The following WDR70 variants were observed in gnomAD, a reference collection of about 807,000 sequenced individuals.
WDR70 encodes WD repeat domain 70.
In WDR70, 53 loss-of-function variants were observed where a neutral mutation model predicts 88.6. The observed-to-expected ratio is 0.60, with a 90% CI of 0.48 to 0.75. The LOEUF (loss-of-function observed/expected upper bound fraction) is 0.75, where lower values mean the gene tolerates loss of function less well. WDR70 is among the 30% of genes least tolerant of loss of function. The probability of loss-of-function intolerance (pLI) is 0.00; values close to 1 mark genes in which losing one functional copy is unlikely to be tolerated. For missense variants in WDR70, 610 were observed against 823.2 expected, an observed-to-expected ratio of 0.74 and a Z score of 3.17; for synonymous variants, 280 against 270.0, an observed-to-expected ratio of 1.04 and a Z score of -0.36.
chr5:37,590,800 C>T (rs2112445669), intron 9 of WDR70, among the ~76,000 whole-genome samples: 1 of 152,194 alleles, frequency 6.6e-6, no homozygotes, highest in Non-Finnish European at 1.5e-5. Context: ...ACCTTGATTT[C>T]AGACTTCTGG....
chr5:37,586,925 A>G (rs1743381088), intron 9 of WDR70, among the ~76,000 whole-genome samples: 1 of 152,134 alleles, frequency 6.6e-6, no homozygotes, highest in Admixed American at 6.5e-5. Flanking sequence ...TTAACTTGCT[A>G]TTGCCACTTC....
chr5:37,384,660 C>CAAAAA (rs70978807), intron 3 of WDR70, among the ~76,000 whole-genome samples: 1 of 59,444 alleles, frequency 1.7e-5, no homozygotes, highest in African/African-American at 7.5e-5. Context: ...ACTCTTGTCT[C>CAAAAA]AAAAAAAAAA....
intron 10 of WDR70, among the ~76,000 whole-genome samples, chr5:37,635,994 T>C (rs1224352409): frequency 6.6e-6 from 1 of 152,222 alleles, no homozygotes; most frequent in African/African-American, 2.4e-5. Context: ...TTCTTCCTTC[T>C]GCCATGATTG....
intron 9 of WDR70, among the ~76,000 whole-genome samples, chr5:37,523,403 AC>A (rs1741158651): frequency 6.6e-6 from 1 of 152,218 alleles, no homozygotes; most frequent in Non-Finnish European, 1.5e-5. Flanking sequence ...ACTCCAATAG[AC>A]CTGCAGCTGA....
intron 10 of WDR70, among the ~76,000 whole-genome samples, chr5:37,632,460 T>G (rs1000244717): frequency 6.6e-6 from 1 of 152,176 alleles, no homozygotes; most frequent in African/African-American, 2.4e-5. Flanking sequence ...TCTGAACACC[T>G]TTCAGTGGGT....
At chr5:37,633,603 A>G (rs1484136664) in intron 10 of WDR70, among the ~76,000 whole-genome samples, 2 of 152,080 alleles carry the variant, frequency 1.3e-5, no homozygotes, top group African/African-American at 2.4e-5. Flanking sequence ...GAGTTAAAAC[A>G]TATGGAGATT....
chr5:37,570,857 A>G (rs1742880151), intron 9 of WDR70, among the ~76,000 whole-genome samples: 1 of 152,110 alleles, frequency 6.6e-6, no homozygotes. Context: ...GATGTTTCTC[A>G]AATAGTCCCT....
chr5:37,689,977 G>A (rs139974202), intron 10 of WDR70, among the ~76,000 whole-genome samples: 4,801 of 152,242 alleles, frequency 0.032, 100 homozygotes, highest in Middle Eastern at 0.11. Flanking sequence ...AAGGTTAGAC[G>A]AATGGCTAAC....
At chr5:37,679,582 T>TC (rs1746356712) in intron 10 of WDR70, among the ~76,000 whole-genome samples, 1 of 152,210 alleles carries the variant, frequency 6.6e-6, no homozygotes, top group African/African-American at 2.4e-5. Context: ...ATCTGATCGT[T>TC]CCTCTGGAAG....
chr5:37,399,176 G>C (rs1281547851), intron 5 of WDR70, among the ~76,000 whole-genome samples: 1 of 152,208 alleles, frequency 6.6e-6, no homozygotes, highest in African/African-American at 2.4e-5. Flanking sequence ...TACTCGGGAG[G>C]CTGAGGCAGG....
chr5:37,392,028 CAG>C lies in WDR70; in HGVS notation c.210_211del (p.Lys71ArgfsTer7), dbSNP rs1275190214. On this transcript the variant is annotated frameshift_variant, in exon 4 of 18. Transcript: ENST00000265107. LOFTEE classifies it high-confidence loss of function. ...EAREKEEEMN[R>X]EKELRRQNED... Reference sequence around the variant, plus strand: ...CAAGAGAAAAAGAGGAAGAAATGAACAGAGAGAAAGAATTAAGAAGACAAAAT... The same window carrying C: ...CAAGAGAAAAAGAGGAAGAAATGAACAGAGAAAGAATTAAGAAGACAAAAT... 1 of 1,609,640 alleles carries C rather than the reference CAG, an allele frequency of 6.2e-7. No individual in the cohort carries two copies. The highest frequency in any genetic ancestry group is 1.3e-5 in the African/African-American group (1 of 74,580).
chr5:37,649,733 C>CTTTTTTTTTTTTTTTTTTTTT (rs70978834), intron 10 of WDR70, among the ~76,000 whole-genome samples: 6 of 68,738 alleles, frequency 8.7e-5, no homozygotes, highest in African/African-American at 3.8e-4. Flanking sequence ...GTTATTACTT[C>CTTTTTTTTTTTTTTTTTTTTT]TTTTTTTTTT....
At chr5:37,546,305 G>A (rs916969035) in intron 9 of WDR70, among the ~76,000 whole-genome samples, 23 of 152,094 alleles carry the variant, frequency 1.5e-4, no homozygotes, top group Admixed American at 1.2e-3. Context: ...TAATTTTTAC[G>A]CAGAATGTTG....
chr5:37,484,680 A>C (rs1459350429), intron 8 of WDR70, among the ~76,000 whole-genome samples: 1 of 152,260 alleles, frequency 6.6e-6, no homozygotes, highest in African/African-American at 2.4e-5. Context: ...CTACAGGTCA[A>C]TAATTATATA....
chr5:37,462,763 T>G (rs1327518221), intron 7 of WDR70, among the ~76,000 whole-genome samples: 1 of 152,016 alleles, frequency 6.6e-6, no homozygotes, highest in African/African-American at 2.4e-5. Flanking sequence ...GTAGTAATAA[T>G]AATAATTACT....
chr5:37,449,500 G>A (rs1476294959), intron 7 of WDR70, among the ~76,000 whole-genome samples: 1 of 151,166 alleles, frequency 6.6e-6, no homozygotes, highest in African/African-American at 2.4e-5. Context: ...GCTGAGGCAA[G>A]AGAATCGCTT....
At chr5:37,464,752 T>C (rs973619082) in intron 7 of WDR70, among the ~76,000 whole-genome samples, 6 of 152,210 alleles carry the variant, frequency 3.9e-5, no homozygotes, top group African/African-American at 1.4e-4. Flanking sequence ...TGGGTGCTGC[T>C]GACTGCTGTG....
Position 37,439,890 on chromosome 5 carries a change from T to G in WDR70, c.552+1909T>G, listed in dbSNP as rs1038591911. On this transcript the variant is annotated intron_variant, in intron 6 of 17. Transcript: ENST00000265107. The stretch of plus-strand genomic sequence containing the variant: ...CTGTGAATATTTCAGTATGAACCTC[T>G]AAGAGATAATATTGGGCTGTTTCTG... Among the ~76,000 whole-genome samples, 66 of 152,174 alleles carry G rather than the reference T, an allele frequency of 4.3e-4. 1 individual carries two copies. The highest frequency in any genetic ancestry group is 4.1e-3 in the Admixed American group (63 of 15,278).
At chr5:37,570,017 G>A (rs894293449) in intron 9 of WDR70, among the ~76,000 whole-genome samples, 1 of 152,150 alleles carries the variant, frequency 6.6e-6, no homozygotes. Flanking sequence ...GGTTATGCAA[G>A]ATGCTATAAG....
Sources: gnomAD v4.1 joint callset for allele counts (sites outside exome capture counted in the v4.1 genomes callset) on GRCh38, gnomAD v4.1.1 for gene constraint, MANE v1.5 for transcripts, NCBI Gene and HGNC (gene_info 2026-07-23, HGNC 2026-07-21) for gene names.